Variants in CHRDL2 observed in about 807,000 individuals in gnomAD.
CHRDL2 encodes the protein chordin-like protein 2.
In CHRDL2, 41 loss-of-function variants were observed where a neutral mutation model predicts 54.3. The ratio of observed to expected loss-of-function variants is 0.76; its 90% CI spans 0.59 to 0.98. The LOEUF (loss-of-function observed/expected upper bound fraction) is 0.98. CHRDL2 is among the 50% of genes least tolerant of loss of function. CHRDL2 has a pLI of 0.00. For missense variants in CHRDL2, 518 were observed against 562.4 expected (o/e 0.92, Z 0.80); for synonymous variants, 220 against 224.3 (o/e 0.98, Z 0.17).
chr11:74,706,450 C>T, intron 6 of CHRDL2, 37 bp downstream of exon 6: 2 of 1,607,898 alleles, frequency 1.2e-6, no homozygotes, highest in Non-Finnish European at 1.7e-6. Flanking sequence ...ATCCCAGCCC[C>T]CTGTCCCGCA....
At chr11:74,726,463 C>G (rs2034572189) in intron 1 of CHRDL2, among the ~76,000 whole-genome samples, 1 of 152,118 alleles carries the variant, frequency 6.6e-6, no homozygotes, top group Non-Finnish European at 1.5e-5. Context: ...TGGCGAGACA[C>G]AAAAAAGAAC....
chr11:74,714,204 A>C (rs1402270981), intron 2 of CHRDL2, among the ~76,000 whole-genome samples: 3 of 152,040 alleles, frequency 2.0e-5, no homozygotes, highest in Non-Finnish European at 4.4e-5. Flanking sequence ...CTCTGTTACA[A>C]GGGTCACTCT....
intron 9 of CHRDL2, among the ~76,000 whole-genome samples, chr11:74,701,878 C>A (rs2033824222): frequency 6.6e-6 from 1 of 151,884 alleles, no homozygotes; most frequent in African/African-American, 2.4e-5. Context: ...TAATTTGGAT[C>A]ATGGCTTAAC....
rs766056484 is a variant in CHRDL2 at position 74,704,554 on chromosome 11, C to T, written c.683G>A (p.Arg228His). ...GLSAPLSFIP[R>H]HFRPKGAGST... ...GCCTGCTCCCTTGGGTCTGAAGTGG[C>T]GAGGGATGAAGCTCAGAGGGGCGCT... The change falls in exon 7 of 11, where the codon CGC (arginine) becomes CAC (histidine). Residue 228 changes from arginine (R) to histidine (H), a missense_variant. Physicochemically the swap from Arg to His is conservative, Grantham distance 29 (BLOSUM62 0). Coordinates refer to ENST00000376332, the MANE Select transcript of CHRDL2 (RefSeq NM_001278473.3). 3.9e-5 allele frequency: 62 copies of T among 1,580,592 alleles called. No individual in the cohort carries two copies. Among genetic ancestry groups the T allele is most frequent in the Middle Eastern group, 3.3e-4 (2 of 5,980 alleles).
At chr11:74,701,430 C>A in intron 9 of CHRDL2, 1 of 539,594 alleles carries the variant, frequency 1.9e-6, no homozygotes, top group Non-Finnish European at 3.4e-6. Context: ...CCCTTCAGAG[C>A]CACGAAGCCA....
intron 9 of CHRDL2, chr11:74,698,721 A>ACCCCC (rs1554983965): frequency 3.7e-5 from 3 of 81,756 alleles, no homozygotes; most frequent in Admixed American, 1.2e-4. Flanking sequence ...ACACACACAC[A>ACCCCC]CCCCACATAC....
intron 6 of CHRDL2, among the ~76,000 whole-genome samples, chr11:74,705,213 AC>A (rs1479385378): frequency 4.6e-5 from 7 of 151,802 alleles, no homozygotes; most frequent in Admixed American, 4.6e-4. Context: ...GGGATCCAAA[AC>A]CCCCAGACCC....
intron 4 of CHRDL2, among the ~76,000 whole-genome samples, chr11:74,710,150 A>G (rs972894332): frequency 3.3e-5 from 5 of 150,468 alleles, no homozygotes; most frequent in Admixed American, 6.7e-5. Context: ...CGGGAGGCGG[A>G]GCTTGCAGTG....
chr11:74,721,983 G>A (rs1309494086), intron 1 of CHRDL2, among the ~76,000 whole-genome samples: 1 of 152,150 alleles, frequency 6.6e-6, no homozygotes, highest in Non-Finnish European at 1.5e-5. Context: ...CAATGTTGTG[G>A]TTCTAAGATT....
intron 5 of CHRDL2, 35 bp downstream of exon 5, chr11:74,708,267 T>C: frequency 7.0e-7 from 1 of 1,425,452 alleles, no homozygotes; most frequent in Non-Finnish European, 9.5e-7. Context: ...AGTGGAGGGG[T>C]GGGTGAGTGC....
At chr11:74,703,225 C>T in intron 8 of CHRDL2, 80 bp downstream of exon 8, 1 of 1,476,838 alleles carries the variant, frequency 6.8e-7, no homozygotes, top group Non-Finnish European at 9.1e-7. Flanking sequence ...TGAGATGCTC[C>T]AAGTGTCTGT....
At chr11:74,717,943 C>A (rs2034406993) in intron 2 of CHRDL2, among the ~76,000 whole-genome samples, 1 of 152,182 alleles carries the variant, frequency 6.6e-6, no homozygotes, top group South Asian at 2.1e-4. Flanking sequence ...AATCTCATAC[C>A]TTACTTGTGA....
At chr11:74,730,597 T>A (rs1049304475) in intron 1 of CHRDL2, among the ~76,000 whole-genome samples, 1 of 152,098 alleles carries the variant, frequency 6.6e-6, no homozygotes, top group African/African-American at 2.4e-5. Flanking sequence ...CCTCCTCAGG[T>A]CCCTGGCAGC....
chr11:74,704,576 C>T lies in CHRDL2; in HGVS notation c.661G>A (p.Ala221Thr), dbSNP rs200667288. Residue 221 changes from alanine (A) to threonine (T), a missense_variant, in exon 7 of 11, where the codon GCC becomes ACC. Coordinates refer to ENST00000376332, the MANE Select transcript of CHRDL2 (RefSeq NM_001278473.3). Reference sequence around the variant, plus strand: ...TGGCGAGGGATGAAGCTCAGAGGGGCGCTGAGGCCAGTGGGGGCTGGGGTG... The same window carrying T: ...TGGCGAGGGATGAAGCTCAGAGGGGTGCTGAGGCCAGTGGGGGCTGGGGTG... ...PGTPAPTGLS[A>T]PLSFIPRHFR... 1.9e-5 allele frequency: 31 copies of T among 1,590,920 alleles called. No homozygotes were observed. The highest frequency in any genetic ancestry group is 5.8e-5 in the South Asian group (5 of 86,948).
intron 1 of CHRDL2, among the ~76,000 whole-genome samples, chr11:74,723,451 A>G (rs2034527179): frequency 6.6e-6 from 1 of 152,180 alleles, no homozygotes; most frequent in African/African-American, 2.4e-5. Flanking sequence ...ACAATTTCAC[A>G]AATAGAAGAT....
In CHRDL2 at chr11:74,697,262, T is replaced by G. The variant is rs990480948; in HGVS notation, c.1156A>C (p.Lys386Gln). ...TGTGCCTCTTTCTGGAAGTCTTGCT[T>G]CCTGACTTTCTTGATCTGAGTCAAG... is the stretch of plus-strand genomic sequence containing the variant. ...FHLTQIKKVR[K>Q]QDFQKEAQHF... is the part of the protein sequence containing the mutation. The change falls in exon 10 of 11, where the codon AAG becomes CAG. Residue 386 changes from lysine (K) to glutamine (Q), a missense_variant. By Grantham distance (53) the Lys-to-Gln change is moderately conservative. Transcript: ENST00000376332. 2 of 1,614,050 alleles carry G rather than the reference T, an allele frequency of 1.2e-6. No individual in the cohort carries two copies. The highest frequency in any genetic ancestry group is 3.3e-5 in the Admixed American group (2 of 60,028).
chr11:74,721,801 G>A (rs2034503967), intron 1 of CHRDL2, among the ~76,000 whole-genome samples: 1 of 152,250 alleles, frequency 6.6e-6, no homozygotes, highest in African/African-American at 2.4e-5. Context: ...TGCAAAATAA[G>A]GGGAGGGGGT....
chr11:74,697,079 G>A, intron 10 of CHRDL2, 126 bp downstream of exon 10: 1 of 689,922 alleles, frequency 1.4e-6, no homozygotes, highest in South Asian at 1.7e-5. Context: ...CCTGTGCTGG[G>A]AACTGACGTC....
At chr11:74,714,002 C>G (rs779602594) in intron 2 of CHRDL2, among the ~76,000 whole-genome samples, 1 of 152,106 alleles carries the variant, frequency 6.6e-6, no homozygotes, top group Admixed American at 6.5e-5. Context: ...GGAGTTGGCA[C>G]CAGAGAAGGA....
Sources: allele counts gnomAD v4.1 joint callset (sites outside exome capture counted in the v4.1 genomes callset), GRCh38; gene constraint gnomAD v4.1.1; transcripts MANE v1.5; gene names NCBI Gene and HGNC (gene_info 2026-07-23, HGNC 2026-07-21).